The following PTPRN2 variants were observed in gnomAD, a reference collection of about 807,000 sequenced individuals.
PTPRN2 encodes the protein protein tyrosine phosphatase receptor type N2.
In PTPRN2, 74 loss-of-function variants were observed where a neutral mutation model predicts 118.8. That is an observed-to-expected ratio of 0.62 (90% confidence interval 0.52 to 0.76). The LOEUF is 0.76. Ranked by LOEUF, PTPRN2 falls within the 30% of genes least tolerant of loss-of-function variation. The pLI is 0.00. For missense variants in PTPRN2, 1,481 were observed against 1,394.4 expected, an observed-to-expected ratio of 1.06 and a Z score of -0.99; for synonymous variants, 641 against 608.0, an observed-to-expected ratio of 1.05 and a Z score of -0.80.
chr7:158,170,907 G>A (rs1268903084), intron 5 of PTPRN2, among the ~76,000 whole-genome samples: 1 of 151,702 alleles, frequency 6.6e-6, no homozygotes, highest in Non-Finnish European at 1.5e-5. Flanking sequence ...ATCTGGCACG[G>A]AAGTGTTAAT....
intron 13 of PTPRN2, 95 bp from the exon 14 acceptor site, chr7:157,656,646 C>A (rs1806117646): frequency 4.9e-6 from 6 of 1,235,554 alleles, no homozygotes; most frequent in South Asian, 1.4e-5. Flanking sequence ...AACCCCTTCT[C>A]CTGCTAAGAT....
At chr7:157,660,785 C>T (rs1005332134) in intron 13 of PTPRN2, among the ~76,000 whole-genome samples, 1 of 152,202 alleles carries the variant, frequency 6.6e-6, no homozygotes, top group Non-Finnish European at 1.5e-5. Context: ...GACAGAGTCT[C>T]GCTCTGTCGC....
chr7:157,578,854 A>T (rs937238900), intron 17 of PTPRN2, among the ~76,000 whole-genome samples: 2 of 152,204 alleles, frequency 1.3e-5, no homozygotes, highest in Non-Finnish European at 2.9e-5. Flanking sequence ...ACTACCCAAA[A>T]CCACTAATCC....
At chr7:158,202,133 G>A (rs896448122) in intron 4 of PTPRN2, among the ~76,000 whole-genome samples, 1 of 152,050 alleles carries the variant, frequency 6.6e-6, no homozygotes, top group African/African-American at 2.4e-5. Flanking sequence ...ACCAATAATC[G>A]TGGAAGACAA....
rs574082329 is a variant in PTPRN2 at position 157,977,845 on chromosome 7, A to G, written c.1724-79108T>C. ...GGGAGCAGGAAGGGGGATCACCCTG[A>G]CAAGACTGGTGGCAGCTGGGACAAG... On this transcript the variant is annotated intron_variant, in intron 11 of 22. Coordinates refer to ENST00000389418, the MANE Select transcript of PTPRN2 (RefSeq NM_002847.5). The surrounding 1 kb of genome is among the most constrained non-coding windows in gnomAD (Gnocchi z 4.6). Among the ~76,000 whole-genome samples, 10 of 151,854 alleles carry G rather than the reference A, an allele frequency of 6.6e-5. 1 individual carries two copies. Among genetic ancestry groups the G allele is most frequent in the Non-Finnish European group, 1.3e-4 (9 of 67,868 alleles).
intron 11 of PTPRN2, among the ~76,000 whole-genome samples, chr7:158,078,169 G>A (rs754794053): frequency 6.6e-6 from 1 of 152,204 alleles, no homozygotes; most frequent in Non-Finnish European, 1.5e-5. Context: ...TTAACTACAC[G>A]CCTATTCATT....
chr7:157,619,989 C>T lies in PTPRN2; in HGVS notation c.2344+1373G>A, dbSNP rs539418390. ...ATGCTGAGCTGAAAGTGAGTGTGGC[C>T]GAGTGGTGCTCTCGAAGTGTGAGCT... is the stretch of plus-strand genomic sequence containing the variant. On this transcript the variant is annotated intron_variant, in intron 15 of 22. Coordinates refer to ENST00000389418, the MANE Select transcript of PTPRN2 (RefSeq NM_002847.5). The surrounding 1 kb of genome is among the most constrained non-coding windows in gnomAD (Gnocchi z 5.3). 7.9e-5 allele frequency among the ~76,000 whole-genome samples: 12 copies of T among 152,314 alleles called. No homozygotes were observed. Among genetic ancestry groups the T allele is most frequent in the South Asian group, 2.1e-4 (1 of 4,824 alleles).
intron 2 of PTPRN2, among the ~76,000 whole-genome samples, chr7:158,436,212 A>T (rs1816563735): frequency 6.6e-6 from 1 of 152,234 alleles, no homozygotes; most frequent in African/African-American, 2.4e-5. Flanking sequence ...TTACCAACCC[A>T]TTGATAGTTC....
intron 11 of PTPRN2, among the ~76,000 whole-genome samples, chr7:158,073,658 A>T (rs1812118481): frequency 6.7e-6 from 1 of 150,358 alleles, no homozygotes; most frequent in Admixed American, 6.6e-5. Context: ...TAAGGTATAA[A>T]GACACTACCC....
chr7:158,380,602 C>T (rs368457663), intron 2 of PTPRN2, among the ~76,000 whole-genome samples: 4 of 152,188 alleles, frequency 2.6e-5, no homozygotes, highest in East Asian at 1.9e-4. Flanking sequence ...GTGTCTGAGA[C>T]TTTTCCAGGC....
At chr7:158,228,736 C>T (rs1828979154) in intron 3 of PTPRN2, among the ~76,000 whole-genome samples, 2 of 152,102 alleles carry the variant, frequency 1.3e-5, no homozygotes, top group African/African-American at 4.8e-5. Flanking sequence ...TGGGAAATTT[C>T]CCCTCAACTC....
At position 158,505,248 on chromosome 7, in the gene PTPRN2, C is replaced by T. The variant is rs116540600; in HGVS notation, c.113-15463G>A. Among the ~76,000 whole-genome samples the T allele has an allele frequency of 6.0e-3, 908 of 152,296 alleles. 7 individuals carry two copies. Among genetic ancestry groups the T allele is most frequent in the African/African-American group, 0.021 (872 of 41,546 alleles). On this transcript the variant is annotated intron_variant, in intron 1 of 22. Coordinates refer to ENST00000389418, the MANE Select transcript of PTPRN2 (RefSeq NM_002847.5). ...AATAAAATAATATAAACCCATGGGA[C>T]ACTTCTGGCAAAATGAAGCCTCCAG... is the stretch of plus-strand genomic sequence containing the variant.
intron 2 of PTPRN2, among the ~76,000 whole-genome samples, chr7:158,482,276 A>C (rs1749437891): frequency 6.6e-6 from 1 of 152,246 alleles, no homozygotes; most frequent in Non-Finnish European, 1.5e-5. Context: ...CTTAATTTTG[A>C]AAAATGTTCT....
intron 12 of PTPRN2, among the ~76,000 whole-genome samples, chr7:157,712,110 C>T (rs1470283633): frequency 6.1e-5 from 3 of 49,424 alleles, no homozygotes; most frequent in East Asian, 5.0e-4. Flanking sequence ...GGAGGGGCTG[C>T]GTCGTGGAAG....
Position 157,618,133 on chromosome 7 carries a change from A to T in PTPRN2, c.2344+3229T>A, listed in dbSNP as rs1257634864. On this transcript the variant is annotated intron_variant, in intron 15 of 22. Coordinates refer to ENST00000389418, the MANE Select transcript of PTPRN2 (RefSeq NM_002847.5). This position sits in a 1 kb window ranked among gnomAD's most constrained non-coding sequence, Gnocchi z 4.2. Reference sequence around the variant, plus strand: ...TGGGGGCTCATTCCGATCAGGGTGCATCTGGGAAGTCGGGCGACTGTGTCC... The same window carrying T: ...TGGGGGCTCATTCCGATCAGGGTGCTTCTGGGAAGTCGGGCGACTGTGTCC... 6.6e-6 allele frequency: 1 copy of T among 152,216 alleles called. No homozygotes were observed. Among genetic ancestry groups the T allele is most frequent in the Non-Finnish European group, 1.5e-5 (1 of 68,060 alleles). 9.4% of individuals were successfully genotyped at this position (152,216 alleles called of 1,614,324 possible). A position where few individuals can be genotyped will look rare whatever the true frequency, so the allele number is the denominator to read the frequency against.
chr7:158,499,807 G>GTGTA (rs763360985), intron 1 of PTPRN2, among the ~76,000 whole-genome samples: 2,040 of 148,922 alleles, frequency 0.014, 53 homozygotes, highest in African/African-American at 0.047. Flanking sequence ...GTGTGTGTGT[G>GTGTA]TATATATATA....
At position 157,734,231 on chromosome 7, in the gene PTPRN2, C is replaced by T. The variant is rs144640052; in HGVS notation, c.1789-51294G>A. Among the ~76,000 whole-genome samples, 99 of 146,646 alleles carry T rather than the reference C, an allele frequency of 6.8e-4. 4 individuals carry two copies. Among genetic ancestry groups the T allele is most frequent in the Non-Finnish European group, 9.4e-4 (63 of 67,256 alleles). On this transcript the variant is annotated intron_variant, in intron 12 of 22. Transcript: ENST00000389418. ...TGCGCCCAGCACAGTTACTCTTCCA[C>T]CCCATGCTCCCAGCACACTCTTCCG...
In PTPRN2 at chr7:158,257,902, G is replaced by A. The variant is rs968892199; in HGVS notation, c.278-52629C>T. ...TCAGCTGACAGTACCCTGGCTTCGC[G>A]GTGACAGCAGCTCTTCCTCTGAGCG... On this transcript the variant is annotated intron_variant, in intron 3 of 22. Coordinates refer to ENST00000389418, the MANE Select transcript of PTPRN2 (RefSeq NM_002847.5). Among the ~76,000 whole-genome samples, 29 of 152,332 alleles carry A rather than the reference G, an allele frequency of 1.9e-4. 1 individual carries two copies. In the East Asian group the frequency reaches 3.1e-3, roughly 16 times the overall value.
chr7:157,927,453 C>G (rs1215313778), intron 11 of PTPRN2, among the ~76,000 whole-genome samples: 1 of 109,784 alleles, frequency 9.1e-6, no homozygotes, highest in Admixed American at 1.0e-4. Context: ...AGACAGGAAG[C>G]CCCAGGGACC....
Sources: allele counts gnomAD v4.1 joint callset (sites outside exome capture counted in the v4.1 genomes callset), GRCh38; gene constraint gnomAD v4.1.1; non-coding constraint Gnocchi (gnomAD v3.1); transcripts MANE v1.5; gene names NCBI Gene and HGNC (gene_info 2026-07-23, HGNC 2026-07-21).